The following RAB3IL1 variants were observed in gnomAD, a reference collection of about 807,000 sequenced individuals.
RAB3IL1 encodes RAB3A interacting protein like 1, also known as guanine nucleotide exchange factor for Rab-3A.
RAB3IL1 carries 37 observed loss-of-function variants against 49.2 expected under a neutral mutation model. The ratio of observed to expected loss-of-function variants is 0.75; its 90% CI spans 0.58 to 0.99. The LOEUF is 0.99. Ranked by LOEUF, RAB3IL1 falls within the 50% of genes least tolerant of loss-of-function variation. The probability of loss-of-function intolerance (pLI) is 0.00; values close to 1 mark genes in which losing one functional copy is unlikely to be tolerated. For missense variants in RAB3IL1, 484 were observed against 513.0 expected, an observed-to-expected ratio of 0.94 and a Z score of 0.55; for synonymous variants, 193 against 213.9, an observed-to-expected ratio of 0.90 and a Z score of 0.85.
At chr11:61,934,482 A>G in the RAB3IL1 span, among the ~76,000 whole-genome samples, 7 of 114,592 alleles carry the variant, frequency 6.1e-5, no homozygotes, top group Admixed American at 1.8e-4. Flanking sequence ...ATATATATAT[A>G]TATATATATA....
At chr11:61,903,564 C>A (rs918462353) in intron 7 of RAB3IL1, among the ~76,000 whole-genome samples, 5 of 151,612 alleles carry the variant, frequency 3.3e-5, no homozygotes, top group Non-Finnish European at 7.4e-5. Flanking sequence ...CACTCTGTCA[C>A]CCAGACTGGA....
chr11:61,917,461 G>T lies in RAB3IL1; in HGVS notation c.-94C>A. On this transcript the variant is annotated 5_prime_UTR_variant, in exon 1 of 10. Transcript: ENST00000394836. ...CCCGCCGCCGACTCCGCCAGGGGCC[G>T]AGCCGCCCCACCGCCTGTCAGCCCT... The T allele has an allele frequency of 8.6e-7, 1 of 1,164,492 alleles. No homozygotes were observed. The highest frequency in any genetic ancestry group is 1.1e-6 in the Non-Finnish European group (1 of 946,020). 72.1% of individuals were successfully genotyped at this position (1,164,492 alleles called of 1,614,324 possible). A position where few individuals can be genotyped will look rare whatever the true frequency, so the allele number is the denominator to read the frequency against.
In RAB3IL1 at chr11:61,904,565, C is replaced by G. The variant is rs770680128; in HGVS notation, c.880G>C (p.Val294Leu). ...GCTTACTTGGTGCTGCTACAGTCAA[C>G]CTCGGCCACCTTCACTGTGGGCAGC... ...QTLPTVKVAE[V>L]DCSSTNTCAL... is the part of the protein sequence containing the mutation. Residue 294 changes from valine to leucine, a missense_variant, in exon 7 of 10, where the codon GTT becomes CTT. Coordinates refer to ENST00000394836, the MANE Select transcript of RAB3IL1 (RefSeq NM_013401.4). The G allele has an allele frequency of 6.2e-7, 1 of 1,612,128 alleles. No homozygotes were observed. The highest frequency in any genetic ancestry group is 1.7e-5 in the Admixed American group (1 of 59,790).
chr11:61,902,099 A>G (rs112197227), intron 8 of RAB3IL1, among the ~76,000 whole-genome samples: 4,773 of 152,224 alleles, frequency 0.031, 189 homozygotes, highest in African/African-American at 0.097. Context: ...CAGATCACTT[A>G]AGGCCAGGAG....
intron 7 of RAB3IL1, among the ~76,000 whole-genome samples, chr11:61,902,837 A>G (rs1706238570): frequency 6.6e-6 from 1 of 152,116 alleles, no homozygotes. Context: ...CACCCTCTGC[A>G]GGCTCTGCAT....
intron 1 of RAB3IL1, among the ~76,000 whole-genome samples, chr11:61,908,831 G>T (rs1024334341): frequency 6.6e-6 from 1 of 152,212 alleles, no homozygotes; most frequent in African/African-American, 2.4e-5. Flanking sequence ...GGGCAGGCAG[G>T]GCTGAGGCAG....
intron 1 of RAB3IL1, among the ~76,000 whole-genome samples, chr11:61,909,715 G>C (rs1456589804): frequency 1.3e-5 from 2 of 152,258 alleles, no homozygotes; most frequent in African/African-American, 4.8e-5. Context: ...CCCGCAGCCT[G>C]AGAGCTATGG....
the RAB3IL1 span, among the ~76,000 whole-genome samples, chr11:61,925,372 C>T: frequency 1.3e-5 from 2 of 152,120 alleles, no homozygotes; most frequent in Non-Finnish European, 2.9e-5. Flanking sequence ...GTGGTTCACA[C>T]CTGTAATTCC....
intron 4 of RAB3IL1, among the ~76,000 whole-genome samples, chr11:61,907,058 C>T (rs746636199): frequency 6.6e-5 from 10 of 152,220 alleles, no homozygotes; most frequent in Non-Finnish European, 1.2e-4. Flanking sequence ...CTTGCCCAGG[C>T]TCAGACAGCC....
intron 1 of RAB3IL1, among the ~76,000 whole-genome samples, chr11:61,914,395 T>C (rs1398336839): frequency 6.6e-6 from 1 of 152,222 alleles, no homozygotes; most frequent in African/African-American, 2.4e-5. Context: ...GCTGGAACAG[T>C]GTCATGCAGA....
At chr11:61,901,688 GGT>G (rs1938923967) in intron 8 of RAB3IL1, among the ~76,000 whole-genome samples, 1 of 152,194 alleles carries the variant, frequency 6.6e-6, no homozygotes, top group African/African-American at 2.4e-5. Flanking sequence ...AGAAGCTGAG[GGT>G]GTCCCCTTGC....
At chr11:61,901,908 C>G (rs1938935406) in intron 8 of RAB3IL1, among the ~76,000 whole-genome samples, 1 of 152,230 alleles carries the variant, frequency 6.6e-6, no homozygotes, top group African/African-American at 2.4e-5. Context: ...CTATTTTAAG[C>G]TACCAGGTTG....
intron 1 of RAB3IL1, among the ~76,000 whole-genome samples, chr11:61,916,504 C>CA (rs56747575): frequency 0.99 from 150,489 of 152,268 alleles, 74,395 homozygotes; most frequent in South Asian, 1. Context: ...CCTGCCTTTC[C>CA]GGGGGGCTTC....
intron 1 of RAB3IL1, among the ~76,000 whole-genome samples, chr11:61,915,731 T>C (rs1939649516): frequency 6.6e-6 from 1 of 152,000 alleles, no homozygotes; most frequent in Admixed American, 6.6e-5. Context: ...CCTTCAACTC[T>C]CTCCCTTTAA....
chr11:61,939,614 A>C, the RAB3IL1 span, among the ~76,000 whole-genome samples: 1 of 152,028 alleles, frequency 6.6e-6, no homozygotes, highest in Non-Finnish European at 1.5e-5. Context: ...AAAATTGATG[A>C]AACTTTAGAC....
At chr11:61,935,097 AG>A in the RAB3IL1 span, among the ~76,000 whole-genome samples, 2 of 152,208 alleles carry the variant, frequency 1.3e-5, no homozygotes, top group African/African-American at 4.8e-5. Flanking sequence ...CAAAGAAACA[AG>A]AGAGCATAGT....
In RAB3IL1 at chr11:61,908,080, T is replaced by G. The variant is rs1456711932; in HGVS notation, c.238A>C (p.Lys80Gln). Reference protein sequence around the residue: ...EIREKGSEFLKEELHRAQKEL... With the variant: ...EIREKGSEFLQEELHRAQKEL... ...TTCTGCGCTCTGTGCAGCTCCTCCT[T>G]CAGGAACTCGGAGCCCTTCTCTCGG... is the stretch of plus-strand genomic sequence containing the variant. Residue 80 changes from lysine to glutamine, a missense_variant, in exon 2 of 10, where the codon AAG becomes CAG. Physicochemically the swap from Lys to Gln is moderately conservative, Grantham distance 53. Transcript: ENST00000394836. 1 of 1,611,282 alleles carries G rather than the reference T, an allele frequency of 6.2e-7. No homozygotes were observed. Among genetic ancestry groups the G allele is most frequent in the Non-Finnish European group, 8.5e-7 (1 of 1,179,298 alleles).
chr11:61,904,383 G>A (rs1447687900), intron 7 of RAB3IL1, among the ~76,000 whole-genome samples, 163 bp downstream of exon 7: 2 of 152,170 alleles, frequency 1.3e-5, no homozygotes, highest in Non-Finnish European at 2.9e-5. Flanking sequence ...AAAGCCTGGG[G>A]GTCCACAGGA....
rs1389873533 is a variant in RAB3IL1 at position 61,897,555 on chromosome 11, A to C, written c.*723T>G. 9.2e-5 allele frequency: 14 copies of C among 152,104 alleles called. No homozygotes were observed. The allele number at this position is 152,104 out of a possible 1,614,324, so 9.4% of individuals were successfully genotyped here. ...CCCTGTCTGTGTTCTACTGTGGCAG[A>C]AAGTGCCCCAGTCCTTCCAGCGGTT... On this transcript the variant is annotated 3_prime_UTR_variant, in exon 10 of 10. Coordinates refer to ENST00000394836, the MANE Select transcript of RAB3IL1 (RefSeq NM_013401.4).
Sources: allele counts gnomAD v4.1 joint callset (sites outside exome capture counted in the v4.1 genomes callset), GRCh38; gene constraint gnomAD v4.1.1; transcripts MANE v1.5; gene names NCBI Gene and HGNC (gene_info 2026-07-23, HGNC 2026-07-21).